SLC14A2: variants seen among roughly 807,000 people sequenced by gnomAD.
SLC14A2 encodes urea transporter 2.
In SLC14A2, 91 loss-of-function variants were observed where a neutral mutation model predicts 104.6. The ratio of observed to expected loss-of-function variants is 0.87; its 90% confidence interval spans 0.73 to 1.04. The LOEUF (loss-of-function observed/expected upper bound fraction) is 1.04. SLC14A2 is among the 50% of genes least tolerant of loss of function. SLC14A2 has a pLI of 0.00. For missense variants in SLC14A2, 1,189 were observed against 1,156.0 expected, an observed-to-expected ratio of 1.03 and a Z score of -0.41; for synonymous variants, 476 against 466.4, an observed-to-expected ratio of 1.02 and a Z score of -0.27.
chr18:45,496,139 G>A (rs1275980415), intron 2 of SLC14A2, among the ~76,000 whole-genome samples: 9 of 152,118 alleles, frequency 5.9e-5, no homozygotes, highest in Non-Finnish European at 1.0e-4. Flanking sequence ...TAATAGTAGC[G>A]GCAAATGTGA....
intron 1 of SLC14A2, among the ~76,000 whole-genome samples, chr18:45,300,493 T>A (rs2084957983): frequency 6.6e-6 from 1 of 152,080 alleles, no homozygotes. Flanking sequence ...CACGTGAAAC[T>A]AATGACAATC....
intron 1 of SLC14A2, among the ~76,000 whole-genome samples, chr18:45,426,726 CACACACAT>C (rs1446375337): frequency 6.6e-6 from 1 of 151,386 alleles, no homozygotes; most frequent in Admixed American, 6.6e-5. Context: ...CACACACACA[CACACACAT>C]ACATACACGC....
At chr18:45,227,936 G>GA (rs954352054) in intron 1 of SLC14A2, among the ~76,000 whole-genome samples, 1 of 151,902 alleles carries the variant, frequency 6.6e-6, no homozygotes, top group East Asian at 1.9e-4. Context: ...TTCATTGCAG[G>GA]AAAAAAAGGT....
intron 1 of SLC14A2, among the ~76,000 whole-genome samples, chr18:45,322,377 A>T (rs1019631679): frequency 1.3e-5 from 2 of 152,236 alleles, no homozygotes; most frequent in African/African-American, 4.8e-5. Flanking sequence ...AATAGTGAAC[A>T]CTAATTGAAG....
At chr18:45,614,759 T>TGC (rs914504237), upstream of SLC14A2, 2 of 151,546 alleles carry the variant, frequency 1.3e-5, no homozygotes, top group African/African-American at 4.8e-5. Context: ...CAATGCCTCC[T>TGC]GCACCCCCAC....
chr18:45,618,176 T>C (rs7240392), intron 1 of SLC14A2, among the ~76,000 whole-genome samples: 63,101 of 151,952 alleles, frequency 0.42, 13,464 homozygotes, highest in East Asian at 0.61. Context: ...TATCCAGAGG[T>C]GTTAAAGAAT....
At chr18:45,632,143 GTT>G (rs59182536) in intron 4 of SLC14A2, among the ~76,000 whole-genome samples, 52 of 18,250 alleles carry the variant, frequency 2.8e-3, no homozygotes, top group South Asian at 8.9e-3. Flanking sequence ...GTGTGTGTGT[GTT>G]TGTGTGTGTG....
intron 1 of SLC14A2, among the ~76,000 whole-genome samples, chr18:45,293,355 A>G (rs1367782935): frequency 4.6e-5 from 7 of 152,144 alleles, no homozygotes; most frequent in African/African-American, 1.7e-4. Flanking sequence ...GTACTGGGGG[A>G]AAAGTGGTGA....
chr18:45,388,137 G>A (rs996233410), intron 1 of SLC14A2, among the ~76,000 whole-genome samples: 7 of 137,348 alleles, frequency 5.1e-5, no homozygotes, highest in Non-Finnish European at 1.1e-4. Context: ...GTGCAGTGGC[G>A]AGATCTCGGC....
At chr18:45,208,536 G>GAGA (rs1172965875), upstream of SLC14A2, among the ~76,000 whole-genome samples, 1 of 152,202 alleles carries the variant, frequency 6.6e-6, no homozygotes, top group Non-Finnish European at 1.5e-5. Flanking sequence ...GGAAAGAAGG[G>GAGA]AGAAGGAGAG....
intron 1 of SLC14A2, among the ~76,000 whole-genome samples, chr18:45,348,726 T>C (rs1369309249): frequency 6.6e-6 from 1 of 152,208 alleles, no homozygotes; most frequent in Non-Finnish European, 1.5e-5. Flanking sequence ...CTCTATTTAA[T>C]AAATAAGGAA....
chr18:45,552,281 G>A (rs1485682069), intron 2 of SLC14A2, among the ~76,000 whole-genome samples: 1 of 152,188 alleles, frequency 6.6e-6, no homozygotes, highest in South Asian at 2.1e-4. Context: ...ATGAGTTTGA[G>A]TGACTGAGCC....
rs1054878327 is a variant in SLC14A2 at position 45,331,958 on chromosome 18, G to A, written c.-125+118767G>A. On this transcript the variant is annotated intron_variant, in intron 1 of 20. Transcript: ENST00000586448. Reference sequence around the variant, plus strand: ...ACCTTCCTCTGTGCAGACAGCAGGTGGGGTTAACAATGAGAAGCCTCATCT... The same window carrying A: ...ACCTTCCTCTGTGCAGACAGCAGGTAGGGTTAACAATGAGAAGCCTCATCT... Among the ~76,000 whole-genome samples, 5 of 152,182 alleles carry A rather than the reference G, an allele frequency of 3.3e-5. No individual in the cohort carries two copies. The East Asian group carries it at 9.6e-4, about 29-fold the overall frequency.
At chr18:45,677,253 A>G (rs1307246877) in intron 18 of SLC14A2, among the ~76,000 whole-genome samples, 1 of 152,182 alleles carries the variant, frequency 6.6e-6, no homozygotes, top group Non-Finnish European at 1.5e-5. Flanking sequence ...TCAGTGGGGG[A>G]AGAGGGAGAC....
At position 45,663,918 on chromosome 18, in the gene SLC14A2, C is replaced by A. The variant is rs773205369; in HGVS notation, c.1474+11C>A. 2 of 1,603,892 alleles carry A rather than the reference C, an allele frequency of 1.2e-6. No homozygotes were observed. Among genetic ancestry groups the A allele is most frequent in the Admixed American group, 3.4e-5 (2 of 59,092 alleles). ...GGAGGAGGAGCAAAGGTGTGCATGT[C>A]CTCCCCCTCACGCTTGGATCCCTGC... is the stretch of plus-strand genomic sequence containing the variant. On this transcript the variant is annotated intron_variant, in intron 11 of 19. Transcript: ENST00000255226.
chr18:45,338,696 A>AAAAAAAC (rs1555677063), intron 1 of SLC14A2, among the ~76,000 whole-genome samples: 80 of 116,440 alleles, frequency 6.9e-4, no homozygotes, highest in African/African-American at 2.1e-3. Context: ...AAAAAAAAAA[A>AAAAAAAC]AAAAAAAAAA....
intron 1 of SLC14A2, among the ~76,000 whole-genome samples, chr18:45,432,959 A>G (rs901858886): frequency 8.5e-5 from 13 of 152,140 alleles, no homozygotes; most frequent in Non-Finnish European, 1.6e-4. Context: ...CCAAAGGCCT[A>G]TTTTGCCACC....
chr18:45,461,435 C>T (rs2087042958), intron 1 of SLC14A2, among the ~76,000 whole-genome samples: 2 of 152,248 alleles, frequency 1.3e-5, no homozygotes, highest in Non-Finnish European at 2.9e-5. Context: ...AGGACAGCAT[C>T]CTGACCATCT....
At chr18:45,614,211 C>A (rs2144462314), upstream of SLC14A2, among the ~76,000 whole-genome samples, 1 of 152,322 alleles carries the variant, frequency 6.6e-6, no homozygotes, top group South Asian at 2.1e-4. Context: ...TGGTGTTGAG[C>A]CTGCAGGTGC....
Sources: allele counts gnomAD v4.1 joint callset (sites outside exome capture counted in the v4.1 genomes callset), GRCh38; gene constraint gnomAD v4.1.1; transcripts MANE v1.5; gene names NCBI Gene and HGNC (gene_info 2026-07-23, HGNC 2026-07-21).